The following SEPTIN11 variants were observed in gnomAD, a reference collection of about 807,000 sequenced individuals.
The protein encoded by SEPTIN11 is septin 11.
A neutral mutation model predicts 51.4 loss-of-function variants in SEPTIN11; 25 were observed. The ratio of observed to expected loss-of-function variants is 0.49; its 90% confidence interval spans 0.35 to 0.68. The LOEUF is 0.68. Ranked by LOEUF, SEPTIN11 falls within the 30% of genes least tolerant of loss-of-function variation. The pLI, the probability that SEPTIN11 is intolerant of heterozygous loss-of-function variation, is 0.00. For synonymous variants in SEPTIN11, 174 were observed against 184.1 expected, an observed-to-expected ratio of 0.95 and a Z score of 0.44; for missense variants, 381 against 520.8, an observed-to-expected ratio of 0.73 and a Z score of 2.61.
At chr4:76,952,047 T>C (rs569738926) in intron 1 of SEPTIN11, among the ~76,000 whole-genome samples, 1 of 152,364 alleles carries the variant, frequency 6.6e-6, no homozygotes, top group African/African-American at 2.4e-5. Flanking sequence ...ACTATAAAGT[T>C]AGAAAGTCTA....
chr4:77,026,279 A>G (rs1447546722), intron 7 of SEPTIN11, among the ~76,000 whole-genome samples: 3 of 152,176 alleles, frequency 2.0e-5, no homozygotes. Flanking sequence ...AGTTGAATAG[A>G]TTCTTTTACT....
intron 1 of SEPTIN11, among the ~76,000 whole-genome samples, chr4:76,950,213 G>A (rs1329381183): frequency 6.6e-6 from 1 of 152,188 alleles, no homozygotes; most frequent in Non-Finnish European, 1.5e-5. Context: ...AATTCTTTGA[G>A]GCGCGGCGTG....
intron 1 of SEPTIN11, among the ~76,000 whole-genome samples, chr4:76,993,236 A>G (rs1042158138): frequency 6.6e-6 from 1 of 152,120 alleles, no homozygotes; most frequent in Non-Finnish European, 1.5e-5. Flanking sequence ...AGAAGGGGCG[A>G]GTTTGGGATA....
At chr4:77,016,337 C>T (rs1415858851) in intron 5 of SEPTIN11, among the ~76,000 whole-genome samples, 2 of 151,362 alleles carry the variant, frequency 1.3e-5, no homozygotes, top group East Asian at 3.9e-4. Flanking sequence ...CAGGCTTTGG[C>T]TGTCAGGCTA....
Position 77,036,781 on chromosome 4 carries a change from T to C in SEPTIN11, c.*2269T>C, listed in dbSNP as rs1284051409. On this transcript the variant is annotated 3_prime_UTR_variant, in exon 10 of 10. Coordinates refer to ENST00000264893, the MANE Select transcript of SEPTIN11 (RefSeq NM_018243.4). ...CCTTTTTTTCACAGTAGTCCTTGGC[T>C]CTGCACGGAATAAATGATACCCTCA... is the stretch of plus-strand genomic sequence containing the variant. 6 of 1,534,694 alleles carry C rather than the reference T, an allele frequency of 3.9e-6. No homozygotes were observed. In the Admixed American group the frequency reaches 1.2e-4, roughly 30 times the overall value.
At chr4:77,004,640 T>A (rs953711933) in intron 2 of SEPTIN11, among the ~76,000 whole-genome samples, 1 of 152,178 alleles carries the variant, frequency 6.6e-6, no homozygotes, top group African/African-American at 2.4e-5. Context: ...CAGTAGTACC[T>A]ATTTCATGGG....
intron 4 of SEPTIN11, 149 bp from the exon 5 acceptor site, chr4:77,014,707 G>T: frequency 1.4e-6 from 1 of 712,944 alleles, no homozygotes; most frequent in Non-Finnish European, 2.2e-6. Flanking sequence ...ATATATTTAT[G>T]GGGTACATGA....
rs114295995 is a variant in SEPTIN11, at chr4:76,978,492, C to T, written c.28-17933C>T. ...TGACCAGAGGTAACTTTTCTAGACT[C>T]CCAGGCTCTACTAATGTAGTGGCCT... On this transcript the variant is annotated intron_variant, in intron 1 of 9. Coordinates refer to ENST00000264893, the MANE Select transcript of SEPTIN11 (RefSeq NM_018243.4). 3.8e-3 allele frequency among the ~76,000 whole-genome samples: 571 copies of T among 152,176 alleles called. 1 individual carries two copies. The highest frequency in any genetic ancestry group is 6.1e-3 in the Non-Finnish European group (412 of 67,992).
chr4:77,005,119 G>A (rs138272302), intron 2 of SEPTIN11, among the ~76,000 whole-genome samples: 5 of 152,294 alleles, frequency 3.3e-5, no homozygotes, highest in Admixed American at 2.6e-4. Context: ...TCTTTTCTAC[G>A]ACATGGTATC....
intron 1 of SEPTIN11, chr4:76,972,723 T>C (rs1194633144): frequency 6.6e-6 from 1 of 152,178 alleles, no homozygotes; most frequent in Non-Finnish European, 1.5e-5. Flanking sequence ...GGGGGAGATA[T>C]CCCATTTTAG....
In SEPTIN11 at chr4:77,020,621, C is replaced by G. The variant is rs1194423614; in HGVS notation, c.904C>G (p.Leu302Val). 2 of 1,614,104 alleles carry G rather than the reference C, an allele frequency of 1.2e-6. No homozygotes were observed. Among genetic ancestry groups the G allele is most frequent in the Non-Finnish European group, 8.5e-7 (1 of 1,180,012 alleles). ...CTATGAATTGTACCGACGCTGTAAGCTTGAAGAGATGGGGTTCAAGGACAC... is the reference window on the plus strand; with the variant it reads ...CTATGAATTGTACCGACGCTGTAAGGTTGAAGAGATGGGGTTCAAGGACAC... ...RHYELYRRCK[L>V]EEMGFKDTDP... Residue 302 changes from leucine (L) to valine (V), a missense_variant, in exon 7 of 10, where the codon CTT becomes GTT. By Grantham distance (32) the Leu-to-Val change is conservative (BLOSUM62 1). Transcript: ENST00000264893.
rs1727056348 is a variant in SEPTIN11, at chr4:77,036,754, T to C, written c.*2242T>C. ...CTTTTCTTTTTTCTTTCTGTATCTA[T>C]GCCTTTTTTTCACAGTAGTCCTTGG... On this transcript the variant is annotated 3_prime_UTR_variant, in exon 10 of 10. Coordinates refer to ENST00000264893, the MANE Select transcript of SEPTIN11 (RefSeq NM_018243.4). 6.5e-7 allele frequency: 1 copy of C among 1,533,740 alleles called. No individual in the cohort carries two copies. The highest frequency in any genetic ancestry group is 2.4e-5 in the East Asian group (1 of 40,840).
In SEPTIN11 at chr4:77,036,145, T is replaced by G. The variant is rs1358913938; in HGVS notation, c.*1633T>G. 2.0e-6 allele frequency: 2 copies of G among 987,252 alleles called. No individual in the cohort carries two copies. The highest frequency in any genetic ancestry group is 2.4e-6 in the Non-Finnish European group (2 of 831,060). 61.2% of individuals were successfully genotyped at this position (987,252 alleles called of 1,614,324 possible). On this transcript the variant is annotated 3_prime_UTR_variant, in exon 10 of 10. Transcript: ENST00000264893. ...TCTTCCATGAACTGATTATGCTTAA[T>G]TAAGCAAAGTAAGGAAATTAGTTTC...
Position 76,949,785 on chromosome 4 carries a change from G to A in SEPTIN11, c.-119G>A, listed in dbSNP as rs1297373917. 8.8e-7 allele frequency: 1 copy of A among 1,130,510 alleles called. No homozygotes were observed. Among genetic ancestry groups the A allele is most frequent in the Non-Finnish European group, 1.2e-6 (1 of 813,760 alleles). The allele number at this position is 1,130,510 out of a possible 1,614,324, so 70.0% of individuals were successfully genotyped here. A position where few individuals can be genotyped will look rare whatever the true frequency, so the allele number is the denominator to read the frequency against. On this transcript the variant is annotated 5_prime_UTR_variant, in exon 1 of 10. Coordinates refer to ENST00000264893, the MANE Select transcript of SEPTIN11 (RefSeq NM_018243.4). Reference sequence around the variant, plus strand: ...GCCGCTGGCTGCCAGCGGGACGCCGGCGAGCAGAGCGCAGCCGCGAGGGAG... The same window carrying A: ...GCCGCTGGCTGCCAGCGGGACGCCGACGAGCAGAGCGCAGCCGCGAGGGAG...
chr4:77,033,852 G>C (rs1726853412), intron 9 of SEPTIN11, among the ~76,000 whole-genome samples: 1 of 152,144 alleles, frequency 6.6e-6, no homozygotes, highest in Non-Finnish European at 1.5e-5. Context: ...GAATAAGGTT[G>C]CATGTTTTGC....
rs1218361317 is a variant in SEPTIN11, at chr4:77,016,609, T to TAC, written c.687+1593_687+1594insCA. 6.5e-3 allele frequency among the ~76,000 whole-genome samples: 299 copies of TAC among 46,304 alleles called. 5 individuals are homozygous for TAC. The highest frequency in any genetic ancestry group is 4.0e-3 in the Non-Finnish European group (107 of 26,510). The allele number at this position is 46,304 out of a possible 152,430, so 30.4% of individuals were successfully genotyped here. A position where few individuals can be genotyped will look rare whatever the true frequency, so the allele number is the denominator to read the frequency against. On this transcript the variant is annotated intron_variant, in intron 5 of 9. Transcript: ENST00000264893. ...ATATATATACACACACATATATATA[T>TAC]ATACACATATATATATATATACACA...
At chr4:76,997,424 A>G (rs1250586034) in intron 2 of SEPTIN11, among the ~76,000 whole-genome samples, 4 of 152,194 alleles carry the variant, frequency 2.6e-5, no homozygotes, top group African/African-American at 9.7e-5. Context: ...GAGAACCACC[A>G]TTTGCTTATT....
intron 1 of SEPTIN11, 40 bp from the exon 2 acceptor site, chr4:76,996,385 G>C (rs764993635): frequency 6.6e-6 from 9 of 1,368,538 alleles, no homozygotes; most frequent in Non-Finnish European, 9.4e-6. Context: ...CAGGTGGCAT[G>C]GTTCATGGAC....
intron 7 of SEPTIN11, among the ~76,000 whole-genome samples, chr4:77,023,133 G>C (rs967466350): frequency 6.6e-6 from 1 of 152,038 alleles, no homozygotes; most frequent in Non-Finnish European, 1.5e-5. Flanking sequence ...TGTTTCAGGG[G>C]CTTCAGGATT....
Sources: allele counts gnomAD v4.1 joint callset (sites outside exome capture counted in the v4.1 genomes callset), GRCh38; gene constraint gnomAD v4.1.1; transcripts MANE v1.5; gene names NCBI Gene and HGNC (gene_info 2026-07-23, HGNC 2026-07-21).